The following SBNO1 variants were observed in gnomAD, a reference collection of about 807,000 sequenced individuals.
SBNO1 encodes the protein protein strawberry notch homolog 1.
SBNO1 carries 23 observed loss-of-function variants against 173.6 expected under a neutral mutation model. That is an observed-to-expected ratio of 0.13 (90% CI 0.10 to 0.19). The LOEUF is 0.19. SBNO1 is among the 10% of genes least tolerant of loss of function. The pLI, the probability that SBNO1 is intolerant of heterozygous loss-of-function variation, is 1.00. For synonymous variants in SBNO1, 632 were observed against 571.5 expected (o/e 1.11, Z -1.51); for missense variants, 1,238 against 1,671.2 (o/e 0.74, Z 4.52).
intron 28 of SBNO1, among the ~76,000 whole-genome samples, chr12:123,308,887 T>C (rs1004431856): frequency 2.6e-5 from 4 of 152,300 alleles, no homozygotes; most frequent in East Asian, 3.9e-4. Context: ...GCAGGTCACC[T>C]GAGGTCGGGA....
At chr12:123,318,558 C>T (rs892838203) in intron 20 of SBNO1, among the ~76,000 whole-genome samples, 3 of 151,772 alleles carry the variant, frequency 2.0e-5, no homozygotes, top group African/African-American at 7.3e-5. Context: ...TATGGTGAAA[C>T]CTGTCTCTAT....
At chr12:123,320,650 T>A (rs1869847905) in intron 18 of SBNO1, 43 bp from the exon 19 acceptor site, 2 of 1,598,836 alleles carry the variant, frequency 1.3e-6, no homozygotes, top group Non-Finnish European at 1.7e-6. Context: ...AAAGTTTAAA[T>A]ATTTTTGTTT....
At chr12:123,351,560 G>A (rs533543693) in intron 1 of SBNO1, among the ~76,000 whole-genome samples, 1 of 152,278 alleles carries the variant, frequency 6.6e-6, no homozygotes, top group South Asian at 2.1e-4. Flanking sequence ...ACTGCAGGGA[G>A]CTGTGATTGC....
chr12:123,332,993 G>A (rs1225203330), intron 7 of SBNO1, among the ~76,000 whole-genome samples: 1 of 152,126 alleles, frequency 6.6e-6, no homozygotes, highest in Non-Finnish European at 1.5e-5. Context: ...GCGTGGCGGT[G>A]GGTGCCTGTA....
chr12:123,355,567 G>A (rs1874366069), intron 1 of SBNO1, among the ~76,000 whole-genome samples: 1 of 151,810 alleles, frequency 6.6e-6, no homozygotes, highest in Non-Finnish European at 1.5e-5. Context: ...TCGCAGCACT[G>A]CACTCCAGCC....
At chr12:123,296,524 T>G (rs960554297) in intron 31 of SBNO1, among the ~76,000 whole-genome samples, 46 of 152,136 alleles carry the variant, frequency 3.0e-4, no homozygotes, top group African/African-American at 1.1e-3. Flanking sequence ...AGGCTCAATG[T>G]TCCAGATAAA....
At chr12:123,316,163 T>C (rs1869231843) in intron 21 of SBNO1, among the ~76,000 whole-genome samples, 2 of 152,066 alleles carry the variant, frequency 1.3e-5, no homozygotes, top group African/African-American at 4.8e-5. Context: ...TACTATAAAG[T>C]ATATATATAA....
At chr12:123,331,839 T>G (rs1247401769) in intron 7 of SBNO1, among the ~76,000 whole-genome samples, 2 of 150,936 alleles carry the variant, frequency 1.3e-5, no homozygotes, top group Non-Finnish European at 3.0e-5. Context: ...AGTTTTGGCT[T>G]TAATGTGGAT....
chr12:123,319,538 G>C (rs1181038615), intron 20 of SBNO1, among the ~76,000 whole-genome samples: 1 of 152,086 alleles, frequency 6.6e-6, no homozygotes, highest in East Asian at 1.9e-4. Context: ...CTTCTGAGCA[G>C]CTGGGACTAC....
At position 123,339,565 on chromosome 12, in the gene SBNO1, T is replaced by A. The variant is rs1206316991; in HGVS notation, c.651+1423A>T. Among the ~76,000 whole-genome samples the A allele has an allele frequency of 2.0e-5, 3 of 152,090 alleles. No homozygotes were observed. The East Asian group carries it at 5.8e-4, about 29-fold the overall frequency. On this transcript the variant is annotated intron_variant, in intron 5 of 31. Coordinates refer to ENST00000602398, the MANE Select transcript of SBNO1 (RefSeq NM_001167856.3). ...ACTTTGGGAGGCCGAGCTGGAGGGA[T>A]CACTTGAGGTCAGGTATTCGAGACC... is the stretch of plus-strand genomic sequence containing the variant.
At chr12:123,307,020 T>TAAAAAAAAAAAAA (rs34105162) in intron 28 of SBNO1, among the ~76,000 whole-genome samples, 1 of 64,430 alleles carries the variant, frequency 1.6e-5, no homozygotes, top group East Asian at 7.3e-4. Flanking sequence ...TCAACTGCAT[T>TAAAAAAAAAAAAA]AAAAAAAAAA....
At chr12:123,299,691 A>AAAAAC (rs2048720803) in intron 30 of SBNO1, among the ~76,000 whole-genome samples, 1 of 150,936 alleles carries the variant, frequency 6.6e-6, no homozygotes, top group Non-Finnish European at 1.5e-5. Flanking sequence ...CAAAAAAAAA[A>AAAAAC]AAAAAAAACA....
At chr12:123,318,694 C>A (rs1869588435) in intron 20 of SBNO1, among the ~76,000 whole-genome samples, 2 of 148,476 alleles carry the variant, frequency 1.3e-5, no homozygotes, top group Admixed American at 1.4e-4. Flanking sequence ...GATCATGCCA[C>A]TGCACTGCAC....
rs1870501896 is a variant in SBNO1 at position 123,325,381 on chromosome 12, A to G, written c.1973+121T>C. The G allele has an allele frequency of 1.5e-5, 10 of 670,690 alleles. No homozygotes were observed. The South Asian group carries it at 1.6e-4, about 11-fold the overall frequency. The allele number at this position is 670,690 out of a possible 1,614,324, so 41.5% of individuals were successfully genotyped here. ...ACAGAAAAGCAGAAAACTCAGATCA[A>G]GAAAACTTAAAGATGATGCAGGTGA... On this transcript the variant is annotated intron_variant, in intron 15 of 31. Transcript: ENST00000602398.
At position 123,326,337 on chromosome 12, in the gene SBNO1, G is replaced by T. The variant is rs1317613136; in HGVS notation, c.1693-3C>A. On this transcript the variant is annotated splice_region_variant and splice_polypyrimidine_tract_variant and intron_variant, in intron 13 of 31. Transcript: ENST00000602398. ...AACCGCTCTCTGGCGATGACCCACT[G>T]AAGATACATAATCAACATTTCAGAC... is the stretch of plus-strand genomic sequence containing the variant. 18 of 1,575,246 alleles carry T rather than the reference G, an allele frequency of 1.1e-5. No homozygotes were observed. The highest frequency in any genetic ancestry group is 1.4e-5 in the Non-Finnish European group (16 of 1,159,494).
At position 123,340,966 on chromosome 12, in the gene SBNO1, GAC is replaced by G. The variant is rs1437994523; in HGVS notation, c.651+20_651+21del. The G allele has an allele frequency of 3.6e-6, 5 of 1,377,014 alleles. No individual in the cohort carries two copies. The highest frequency in any genetic ancestry group is 1.2e-5 in the South Asian group (1 of 84,134). 85.3% of individuals were successfully genotyped at this position (1,377,014 alleles called of 1,614,324 possible). A position where few individuals can be genotyped will look rare whatever the true frequency, so the allele number is the denominator to read the frequency against. On this transcript the variant is annotated intron_variant, in intron 5 of 31. Transcript: ENST00000602398. ...CACTCTCATACTACACAAAAATAAA[GAC>G]ACAGTTATTTGAAACTCACCATGGT...
chr12:123,345,848 G>A (rs1873068036), intron 3 of SBNO1, among the ~76,000 whole-genome samples: 1 of 151,866 alleles, frequency 6.6e-6, no homozygotes, highest in East Asian at 1.9e-4. Context: ...TTTTTTTAGA[G>A]ATAAGAGTCT....
At chr12:123,330,601 A>T (rs1871100091) in intron 8 of SBNO1, 92 bp from the exon 9 acceptor site, 9 of 6,634 alleles carry the variant, frequency 1.4e-3, no homozygotes, top group African/African-American at 4.0e-3. Context: ...TTGACACTTA[A>T]AAAAAAAAAA....
At chr12:123,326,466 G>A in intron 13 of SBNO1, 132 bp from the exon 14 acceptor site, 1 of 501,986 alleles carries the variant, frequency 2.0e-6, no homozygotes, top group Non-Finnish European at 3.2e-6. Context: ...TTAGTAACTT[G>A]GGAATCTATT....
Sources: allele counts gnomAD v4.1 joint callset (sites outside exome capture counted in the v4.1 genomes callset), GRCh38; gene constraint gnomAD v4.1.1; transcripts MANE v1.5; gene names NCBI Gene and HGNC (gene_info 2026-07-23, HGNC 2026-07-21).